MYCBP2: variants seen among roughly 807,000 people sequenced by gnomAD.
MYCBP2 encodes E3 ubiquitin-protein ligase MYCBP2.
A neutral mutation model predicts 525.3 loss-of-function variants in MYCBP2; 120 were observed. The ratio of observed to expected loss-of-function variants is 0.23; its 90% confidence interval spans 0.20 to 0.27. MYCBP2 has a LOEUF of 0.27. Ranked by LOEUF, MYCBP2 falls within the 10% of genes least tolerant of loss-of-function variation. The probability of loss-of-function intolerance (pLI) is 1.00; values close to 1 mark genes in which losing one functional copy is unlikely to be tolerated. For missense variants in MYCBP2, 4,149 were observed against 5,657.1 expected (o/e 0.73, Z 8.55); for synonymous variants, 1,894 against 1,955.8 (o/e 0.97, Z 0.83).
intron 65 of MYCBP2, chr13:77,080,570 T>C (rs1387621517): frequency 6.6e-6 from 1 of 152,194 alleles, no homozygotes; most frequent in Non-Finnish European, 1.5e-5. Flanking sequence ...TGAACTAGGC[T>C]GAAGAGAATA....
intron 59 of MYCBP2, among the ~76,000 whole-genome samples, chr13:77,092,238 C>T (rs2045553392): frequency 6.6e-6 from 1 of 152,114 alleles, no homozygotes; most frequent in South Asian, 2.1e-4. Context: ...TCTTCCTTTC[C>T]AATGATACCA....
In MYCBP2 at chr13:77,185,150, C is replaced by T. The variant is rs1390312694; in HGVS notation, c.4672G>A (p.Ala1558Thr). The T allele has an allele frequency of 1.9e-6, 3 of 1,614,096 alleles. No individual in the cohort carries two copies. The highest frequency in any genetic ancestry group is 2.5e-6 in the Non-Finnish European group (3 of 1,179,996). ...TCACAAAGGCAAGCCCACTGTAAGGCAGGAGTTGGGTAGAAAGAATGAAAG... is the reference window on the plus strand; with the variant it reads ...TCACAAAGGCAAGCCCACTGTAAGGTAGGAGTTGGGTAGAAAGAATGAAAG... ...ACFHSFYPTP[A>T]LQWACLCDLL... The change falls in exon 32 of 83, where the codon GCC (alanine) becomes ACC (threonine). Residue 1558 changes from alanine to threonine, a missense_variant. By Grantham distance (58) the Ala-to-Thr change is moderately conservative. Around this residue, in one of 21 missense-constraint regions of MYCBP2, gnomAD observed 292 missense variants for 330.5 expected, o/e 0.88. Coordinates refer to ENST00000544440, the MANE Select transcript of MYCBP2 (RefSeq NM_015057.5).
chr13:77,108,587 A>T (rs2048234373), intron 55 of MYCBP2, among the ~76,000 whole-genome samples: 1 of 152,186 alleles, frequency 6.6e-6, no homozygotes, highest in Non-Finnish European at 1.5e-5. Flanking sequence ...ATTAGCATTA[A>T]CCATAACCCT....
At chr13:77,175,935 C>T (rs762757669) in intron 36 of MYCBP2, among the ~76,000 whole-genome samples, 8 of 148,876 alleles carry the variant, frequency 5.4e-5, no homozygotes, top group Non-Finnish European at 8.9e-5. Flanking sequence ...CCAGCCTGGG[C>T]GACAGAGTGA....
intron 26 of MYCBP2, among the ~76,000 whole-genome samples, chr13:77,199,194 C>T (rs781400943): frequency 2.3e-4 from 35 of 152,290 alleles, no homozygotes; most frequent in African/African-American, 5.3e-4. Context: ...GCACCATGCG[C>T]GAGCTGAAGC....
rs1310684770 is a variant in MYCBP2, at chr13:77,146,156, C to A, written c.7187+6G>T. On this transcript the variant is annotated splice_donor_region_variant and intron_variant, in intron 48 of 82. Transcript: ENST00000544440. Reference sequence around the variant, plus strand: ...TTTGGTTATACTTTGAGAAAACGATCCTTACCTCTTAGGAGTTGGTGATGC... The same window carrying A: ...TTTGGTTATACTTTGAGAAAACGATACTTACCTCTTAGGAGTTGGTGATGC... The A allele has an allele frequency of 1.3e-6, 2 of 1,578,292 alleles. No individual in the cohort carries two copies. Among genetic ancestry groups the A allele is most frequent in the East Asian group, 2.3e-5 (1 of 43,446 alleles).
intron 17 of MYCBP2, among the ~76,000 whole-genome samples, chr13:77,242,657 T>A (rs1594256487): frequency 1.3e-5 from 2 of 152,244 alleles, no homozygotes; most frequent in Admixed American, 1.3e-4. Flanking sequence ...AAAATAGAAA[T>A]GAAAAAGACT....
chr13:77,080,289 C>A (rs73239451), intron 65 of MYCBP2, among the ~76,000 whole-genome samples: 3,376 of 152,178 alleles, frequency 0.022, 58 homozygotes, highest in Middle Eastern at 0.075. Flanking sequence ...TATCTGAGAC[C>A]CAATCCTACC....
At chr13:77,198,756 C>T (rs2062047618) in intron 26 of MYCBP2, among the ~76,000 whole-genome samples, 1 of 152,124 alleles carries the variant, frequency 6.6e-6, no homozygotes. Flanking sequence ...CTCACTCCTC[C>T]CGGTCTCCAC....
chr13:77,191,357 T>C (rs773133033), intron 28 of MYCBP2, among the ~76,000 whole-genome samples: 2 of 152,228 alleles, frequency 1.3e-5, no homozygotes, highest in Non-Finnish European at 2.9e-5. Flanking sequence ...TACTTCTTTT[T>C]TATGGTTCCA....
chr13:77,266,660 G>A (rs1158292089), intron 8 of MYCBP2, among the ~76,000 whole-genome samples: 1 of 146,840 alleles, frequency 6.8e-6, no homozygotes, highest in African/African-American at 2.5e-5. Context: ...TGGGGGGAGT[G>A]TGCATGTTAT....
At position 77,087,532 on chromosome 13, in the gene MYCBP2, C is replaced by T. The variant is rs2044537480; in HGVS notation, c.10827G>A (p.Glu3609=). Residue 3609 remains glutamate, a synonymous_variant, in exon 62 of 83, where the codon GAG becomes GAA. Transcript: ENST00000544440. The part of the protein sequence containing the change: ...ASLTPAPVEP[E]EEEDEENKTS... ...TTTTATTTTCTTCATCCTCTTCTTC[C>T]TCTGGTTCCACTGGTGCAGGAGTCA... The T allele has an allele frequency of 6.2e-7, 1 of 1,613,084 alleles. No individual in the cohort carries two copies. The highest frequency in any genetic ancestry group is 8.5e-7 in the Non-Finnish European group (1 of 1,179,524).
At position 77,154,009 on chromosome 13, in the gene MYCBP2, T is replaced by C. The variant is rs182562792; in HGVS notation, c.6915+2049A>G. Among the ~76,000 whole-genome samples, 116 of 152,336 alleles carry C rather than the reference T, an allele frequency of 7.6e-4. 1 individual carries two copies. Among genetic ancestry groups the C allele is most frequent in the Middle Eastern group, 6.8e-3 (2 of 294 alleles). Reference sequence around the variant, plus strand: ...GCTTTTGAAAGCATTTTGGAACTCATTGAAATATTAGCTGCAAATCAACTT... The same window carrying C: ...GCTTTTGAAAGCATTTTGGAACTCACTGAAATATTAGCTGCAAATCAACTT... On this transcript the variant is annotated intron_variant, in intron 46 of 82. Transcript: ENST00000544440.
rs747080728 is a variant in MYCBP2, at chr13:77,326,737, G to A, written c.39C>T (p.Ala13=). The A allele has an allele frequency of 2.8e-6, 4 of 1,409,056 alleles. No individual in the cohort carries two copies. In the South Asian group the frequency reaches 6.1e-5, roughly 21 times the overall value. The allele number at this position is 1,409,056 out of a possible 1,614,324, so 87.3% of individuals were successfully genotyped here. The change falls in exon 1 of 83, where the codon GCC becomes GCT. Residue 13 remains alanine, a synonymous_variant. Coordinates refer to ENST00000544440, the MANE Select transcript of MYCBP2 (RefSeq NM_015057.5). The surrounding 1 kb of genome is among the most constrained non-coding windows in gnomAD (Gnocchi z 4.2). ...MCAATASPAA[A]SSGLGGDGFY... ...ATCCGTCCCCGCCGAGCCCCGAGGAGGCGGCGGCGGGGGAGGCAGTCGCTG... is the reference window on the plus strand; with the variant it reads ...ATCCGTCCCCGCCGAGCCCCGAGGAAGCGGCGGCGGGGGAGGCAGTCGCTG...
At chr13:77,228,205 G>A (rs1318530070) in intron 18 of MYCBP2, among the ~76,000 whole-genome samples, 1 of 152,074 alleles carries the variant, frequency 6.6e-6, no homozygotes, top group Non-Finnish European at 1.5e-5. Context: ...AGTGAATTCA[G>A]CAAGATTAAT....
chr13:77,314,257 T>A (rs184079621), intron 1 of MYCBP2, among the ~76,000 whole-genome samples: 23 of 152,310 alleles, frequency 1.5e-4, no homozygotes, highest in Admixed American at 1.4e-3. Flanking sequence ...ACATACAATG[T>A]CATTTGTCAA....
At position 77,098,280 on chromosome 13, in the gene MYCBP2, C is replaced by A. The variant is rs778464831; in HGVS notation, c.8874G>T (p.Lys2958Asn). ...DSTCDDSSEF[K>N]SVDEGSNKVH... ...CTTTATTTGAACCTTCATCCACACTCTTAAATTCACTGCTGTCATCGCAGG... is the reference window on the plus strand; with the variant it reads ...CTTTATTTGAACCTTCATCCACACTATTAAATTCACTGCTGTCATCGCAGG... Residue 2958 changes from lysine (K) to asparagine (N), a missense_variant, in exon 56 of 83, where the codon AAG becomes AAT. Transcript: ENST00000544440. 1.2e-6 allele frequency: 2 copies of A among 1,612,210 alleles called. No individual in the cohort carries two copies. Among genetic ancestry groups the A allele is most frequent in the Admixed American group, 3.3e-5 (2 of 59,960 alleles).
rs1264046251 is a variant in MYCBP2 at position 77,152,865 on chromosome 13, A to ACCATCCTGGCTAACACGG, written c.6916-1934_6916-1917dup. ...CGAATCACAAGGTCAGGAGATCGAG[A>ACCATCCTGGCTAACACGG]CCATCCTGGCTAACACGGTGAAACC... is the stretch of plus-strand genomic sequence containing the variant. On this transcript the variant is annotated intron_variant, in intron 46 of 82. Transcript: ENST00000544440. 2.6e-5 allele frequency among the ~76,000 whole-genome samples: 4 copies of ACCATCCTGGCTAACACGG among 152,040 alleles called. No homozygotes were observed. The East Asian group carries it at 7.7e-4, about 29-fold the overall frequency.
chr13:77,199,599 A>C (rs905043346), intron 26 of MYCBP2, among the ~76,000 whole-genome samples: 36 of 152,224 alleles, frequency 2.4e-4, no homozygotes, highest in Non-Finnish European at 4.6e-4. Flanking sequence ...GGGCACAGAC[A>C]AACAAAAAGA....
Sources: gnomAD v4.1 joint callset for allele counts (sites outside exome capture counted in the v4.1 genomes callset) on GRCh38, gnomAD v4.1.1 for gene constraint, gnomAD v4.1.1 regional missense constraint, Gnocchi (gnomAD v3.1) non-coding constraint, MANE v1.5 for transcripts, NCBI Gene and HGNC (gene_info 2026-07-23, HGNC 2026-07-21) for gene names.